Variants in NBAS observed in about 807,000 individuals in gnomAD.
NBAS encodes the protein NAG/BC035112 fusion.
NBAS carries 219 observed loss-of-function variants against 302.5 expected under a neutral mutation model. The ratio of observed to expected loss-of-function variants is 0.72; its 90% confidence interval spans 0.65 to 0.81. The LOEUF is 0.81. Among genes scored for constraint, NBAS ranks in the 30% least tolerant of loss-of-function variants. The pLI, the probability that NBAS is intolerant of heterozygous loss-of-function variation, is 0.00. For synonymous variants in NBAS, 1,118 were observed against 1,021.6 expected (o/e 1.09, Z -1.80); for missense variants, 2,932 against 2,841.6 (o/e 1.03, Z -0.72).
chr2:15,515,382 T>G (rs72778670), intron 9 of NBAS, among the ~76,000 whole-genome samples: 19 of 152,290 alleles, frequency 1.2e-4, no homozygotes, highest in Admixed American at 6.5e-4. Context: ...CTGGAAAACA[T>G]GTCTCTACAA....
the NBAS span, among the ~76,000 whole-genome samples, chr2:14,861,088 A>G: frequency 1.3e-5 from 2 of 152,156 alleles, no homozygotes; most frequent in Non-Finnish European, 2.9e-5. Flanking sequence ...TTATGTGAAG[A>G]TTTACATTCT....
At chr2:15,023,523 T>C in the NBAS span, among the ~76,000 whole-genome samples, 1 of 151,922 alleles carries the variant, frequency 6.6e-6, no homozygotes, top group Admixed American at 6.6e-5. Context: ...AAAAAGGTTA[T>C]AACTTTTGAC....
the NBAS span, among the ~76,000 whole-genome samples, chr2:15,038,069 T>C: frequency 1.5e-5 from 2 of 133,878 alleles, no homozygotes; most frequent in African/African-American, 2.5e-5. Flanking sequence ...AAGGTGGTTT[T>C]ATAATTATAT....
chr2:15,379,968 T>C (rs913090370), intron 29 of NBAS, 137 bp from the exon 30 acceptor site: 1 of 706,876 alleles, frequency 1.4e-6, no homozygotes, highest in South Asian at 1.7e-5. Context: ...GCACTGTAAA[T>C]GTACTAAATG....
chr2:14,789,611 C>T, the NBAS span, among the ~76,000 whole-genome samples: 1 of 152,194 alleles, frequency 6.6e-6, no homozygotes, highest in Non-Finnish European at 1.5e-5. Flanking sequence ...TGCAATCATT[C>T]ATACTTAGAG....
At chr2:15,511,153 A>T in intron 10 of NBAS, 59 bp downstream of exon 10, 6 of 1,604,394 alleles carry the variant, frequency 3.7e-6, no homozygotes, top group Non-Finnish European at 5.1e-6. Flanking sequence ...TATTTGTCTA[A>T]GACAAATAGC....
the NBAS span, among the ~76,000 whole-genome samples, chr2:15,110,794 G>A: frequency 6.6e-6 from 1 of 152,102 alleles, no homozygotes; most frequent in African/African-American, 2.4e-5. Context: ...CAAATACACA[G>A]AGAAAGCCCC....
At chr2:15,420,293 C>T (rs1212870637) in intron 23 of NBAS, among the ~76,000 whole-genome samples, 2 of 152,116 alleles carry the variant, frequency 1.3e-5, no homozygotes, top group Admixed American at 1.3e-4. Context: ...TGTTAAACTA[C>T]AAATGAAGAG....
chr2:15,332,003 G>A (rs753173517), intron 35 of NBAS, among the ~76,000 whole-genome samples: 2 of 152,216 alleles, frequency 1.3e-5, no homozygotes, highest in Non-Finnish European at 2.9e-5. Context: ...AGAGGCAGGA[G>A]AGATTTGAAG....
chr2:14,817,903 G>A, the NBAS span, among the ~76,000 whole-genome samples: 24 of 151,978 alleles, frequency 1.6e-4, no homozygotes, highest in Non-Finnish European at 2.6e-4. Flanking sequence ...GAACCTCTCC[G>A]GAGACTAATT....
At chr2:15,337,082 TG>T (rs1193688213) in intron 35 of NBAS, among the ~76,000 whole-genome samples, 1 of 152,222 alleles carries the variant, frequency 6.6e-6, no homozygotes, top group African/African-American at 2.4e-5. Context: ...GAGACTGGCC[TG>T]GGCAATATGG....
At chr2:14,924,174 A>G in the NBAS span, among the ~76,000 whole-genome samples, 3 of 152,240 alleles carry the variant, frequency 2.0e-5, no homozygotes, top group Admixed American at 2.0e-4. Context: ...GATACAAACT[A>G]AAATCAATCT....
At chr2:15,058,892 A>G in the NBAS span, among the ~76,000 whole-genome samples, 1 of 152,198 alleles carries the variant, frequency 6.6e-6, no homozygotes. Context: ...TCCAAGGCCA[A>G]ATCCCTTAGG....
intron 21 of NBAS, among the ~76,000 whole-genome samples, chr2:15,445,881 C>A: frequency 6.9e-6 from 1 of 145,544 alleles, no homozygotes. Context: ...AATCAAACTT[C>A]TAGGAATGAA....
At chr2:15,381,945 A>G (rs1304095603) in intron 29 of NBAS, among the ~76,000 whole-genome samples, 1 of 152,192 alleles carries the variant, frequency 6.6e-6, no homozygotes, top group Non-Finnish European at 1.5e-5. Flanking sequence ...GATTTCATCA[A>G]TGGGTTATGC....
At chr2:14,872,015 A>G in the NBAS span, among the ~76,000 whole-genome samples, 27 of 152,210 alleles carry the variant, frequency 1.8e-4, no homozygotes, top group African/African-American at 5.3e-4. Flanking sequence ...ACACATGTAT[A>G]GATACTCACA....
At chr2:15,400,007 A>T (rs1174374827) in intron 26 of NBAS, among the ~76,000 whole-genome samples, 1 of 152,202 alleles carries the variant, frequency 6.6e-6, no homozygotes, top group Non-Finnish European at 1.5e-5. Flanking sequence ...CTTTTAAAAA[A>T]TACCTCCCAG....
At chr2:14,807,026 GA>G in the NBAS span, among the ~76,000 whole-genome samples, 7 of 151,330 alleles carry the variant, frequency 4.6e-5, no homozygotes, top group African/African-American at 1.5e-4. Flanking sequence ...CTTCTCTACA[GA>G]AAAAAAACAA....
chr2:14,882,217 G>C, the NBAS span, among the ~76,000 whole-genome samples: 80,977 of 151,842 alleles, frequency 0.53, 23,961 homozygotes, highest in African/African-American at 0.8. Context: ...TCCAATCCCA[G>C]TAATTCATCC....
Sources: gnomAD v4.1 joint callset for allele counts (sites outside exome capture counted in the v4.1 genomes callset) on GRCh38, gnomAD v4.1.1 for gene constraint, MANE v1.5 for transcripts, NCBI Gene and HGNC (gene_info 2026-07-23, HGNC 2026-07-21) for gene names.